The following NRXN3 variants were observed in gnomAD, a reference collection of about 807,000 sequenced individuals.
The protein encoded by NRXN3 is neurexin III.
Under a neutral mutation model 137.6 loss-of-function variants are expected in NRXN3, and 32 were observed. The ratio of observed to expected loss-of-function variants is 0.23; its 90% CI spans 0.18 to 0.31. The LOEUF is 0.31. NRXN3 is among the 10% of genes least tolerant of loss of function. NRXN3 has a pLI of 1.00. For synonymous variants in NRXN3, 798 were observed against 784.5 expected (o/e 1.02, Z -0.29); for missense variants, 1,574 against 2,062.5 (o/e 0.76, Z 4.59).
chr14:78,185,254 C>T (rs370340946), intron 1 of NRXN3, among the ~76,000 whole-genome samples: 57 of 152,244 alleles, frequency 3.7e-4, no homozygotes, highest in African/African-American at 1.2e-3. Context: ...CCAGGGGTTT[C>T]GATGGAGGGA....
At chr14:78,310,015 T>C (rs2077785330) in intron 4 of NRXN3, among the ~76,000 whole-genome samples, 1 of 152,148 alleles carries the variant, frequency 6.6e-6, no homozygotes, top group African/African-American at 2.4e-5. Flanking sequence ...GATACTAGTC[T>C]GGTTAAAACA....
intron 4 of NRXN3, among the ~76,000 whole-genome samples, chr14:78,357,251 CAGAG>C (rs1247564743): frequency 6.6e-6 from 1 of 152,144 alleles, no homozygotes; most frequent in Non-Finnish European, 1.5e-5. Context: ...TGGCAGCAGG[CAGAG>C]AGAGAGAACT....
At chr14:78,172,231 A>G (rs1233319704) in intron 1 of NRXN3, among the ~76,000 whole-genome samples, 1 of 152,130 alleles carries the variant, frequency 6.6e-6, no homozygotes, top group East Asian at 1.9e-4. Context: ...ACGCTGCGTG[A>G]CTTGGTACCC....
chr14:78,641,471 C>G (rs1221310206), intron 4 of NRXN3, among the ~76,000 whole-genome samples: 2 of 151,938 alleles, frequency 1.3e-5, no homozygotes, highest in Non-Finnish European at 2.9e-5. Flanking sequence ...GACTCTGTCT[C>G]AAGAAAAAAA....
chr14:79,326,154 A>G lies in NRXN3; in HGVS notation c.3263-141067A>G, dbSNP rs139785933. On this transcript the variant is annotated intron_variant, in intron 15 of 20. Coordinates refer to ENST00000335750, the MANE Select transcript of NRXN3 (RefSeq NM_001330195.2). Reference sequence around the variant, plus strand: ...TTTGTGCCACAGGGATATGTTTTACATAATTTAAGACTTGGAAGTGATGAT... The same window carrying G: ...TTTGTGCCACAGGGATATGTTTTACGTAATTTAAGACTTGGAAGTGATGAT... Among the ~76,000 whole-genome samples the G allele has an allele frequency of 5.3e-4, 81 of 152,334 alleles. 1 individual carries two copies. Among genetic ancestry groups the G allele is most frequent in the Middle Eastern group, 3.4e-3 (1 of 294 alleles).
At chr14:78,736,050 A>G in intron 8 of NRXN3, among the ~76,000 whole-genome samples, 1 of 152,152 alleles carries the variant, frequency 6.6e-6, no homozygotes, top group East Asian at 1.9e-4. Flanking sequence ...GATTCCTCCC[A>G]TGGAGCAAAC....
intron 15 of NRXN3, among the ~76,000 whole-genome samples, chr14:79,245,771 T>A (rs1201157211): frequency 6.6e-6 from 1 of 152,224 alleles, no homozygotes; most frequent in African/African-American, 2.4e-5. Context: ...TTATTTCAAT[T>A]TCTTCCTCCT....
chr14:78,173,227 C>A (rs2058908733), intron 1 of NRXN3, among the ~76,000 whole-genome samples: 1 of 151,888 alleles, frequency 6.6e-6, no homozygotes, highest in Non-Finnish European at 1.5e-5. Flanking sequence ...TTCTGCACCC[C>A]CCTTTCTCTC....
At chr14:79,658,562 C>T (rs221445) in intron 16 of NRXN3, among the ~76,000 whole-genome samples, 36,507 of 152,110 alleles carry the variant, frequency 0.24, 4,660 homozygotes, top group Middle Eastern at 0.37. Flanking sequence ...ACACTGTTCT[C>T]TTGGCCCAAC....
intron 2 of NRXN3, among the ~76,000 whole-genome samples, chr14:78,256,818 G>T (rs909671164): frequency 6.6e-6 from 1 of 152,264 alleles, no homozygotes; most frequent in East Asian, 1.9e-4. Context: ...CTTTCTCATG[G>T]GGAATTTGTT....
intron 4 of NRXN3, among the ~76,000 whole-genome samples, chr14:78,466,176 AAAAC>A (rs1384569709): frequency 7.2e-5 from 11 of 152,342 alleles, no homozygotes; most frequent in East Asian, 1.9e-4. Context: ...TCCTAACTAC[AAAAC>A]AAACAGACAA....
At chr14:79,034,161 A>T (rs1165925375) in intron 15 of NRXN3, among the ~76,000 whole-genome samples, 1 of 152,040 alleles carries the variant, frequency 6.6e-6, no homozygotes, top group East Asian at 1.9e-4. Flanking sequence ...TGAATGTGAG[A>T]CTAAAGCCAA....
At chr14:79,508,233 C>T (rs1175974878) in intron 16 of NRXN3, among the ~76,000 whole-genome samples, 2 of 151,944 alleles carry the variant, frequency 1.3e-5, no homozygotes, top group Non-Finnish European at 2.9e-5. Flanking sequence ...TAACACTAAA[C>T]TTGGTGCCTA....
At chr14:78,908,339 T>C (rs2099225246) in intron 10 of NRXN3, among the ~76,000 whole-genome samples, 1 of 152,038 alleles carries the variant, frequency 6.6e-6, no homozygotes, top group African/African-American at 2.4e-5. Context: ...CCCATAGTAG[T>C]CAGTCATGAT....
At chr14:78,507,852 A>AGAG (rs2096023316) in intron 4 of NRXN3, among the ~76,000 whole-genome samples, 1 of 152,206 alleles carries the variant, frequency 6.6e-6, no homozygotes. Context: ...ACCAGAGCAA[A>AGAG]GAGTCAAAGC....
intron 15 of NRXN3, among the ~76,000 whole-genome samples, chr14:79,178,901 T>G (rs11847729): frequency 3.9e-5 from 6 of 152,146 alleles, no homozygotes; most frequent in African/African-American, 1.4e-4. Flanking sequence ...AGGTCCAAAT[T>G]GCTTCAGTGA....
intron 4 of NRXN3, among the ~76,000 whole-genome samples, chr14:78,374,863 T>A (rs561376771): frequency 8.2e-4 from 125 of 152,244 alleles, no homozygotes; most frequent in African/African-American, 3.0e-3. Flanking sequence ...ATTTAATTAT[T>A]TGAGACATGT....
At chr14:78,848,193 G>A (rs2099032945) in intron 10 of NRXN3, among the ~76,000 whole-genome samples, 1 of 152,086 alleles carries the variant, frequency 6.6e-6, no homozygotes, top group Admixed American at 6.6e-5. Context: ...GCGCAGTACT[G>A]CCATTTCTTC....
intron 2 of NRXN3, among the ~76,000 whole-genome samples, chr14:78,263,923 GTGTT>G (rs1405422227): frequency 7.7e-6 from 1 of 129,904 alleles, no homozygotes; most frequent in African/African-American, 2.9e-5. Context: ...GTGTGTGTGT[GTGTT>G]TTCCTGACAG....
Sources: allele counts gnomAD v4.1 joint callset (sites outside exome capture counted in the v4.1 genomes callset), GRCh38; gene constraint gnomAD v4.1.1; transcripts MANE v1.5; gene names NCBI Gene and HGNC (gene_info 2026-07-23, HGNC 2026-07-21).